Variants in USP48 observed in about 807,000 individuals in gnomAD.
USP48 encodes the protein ubiquitin specific peptidase 48.
USP48 carries 43 observed loss-of-function variants against 150.7 expected under a neutral mutation model. The ratio of observed to expected loss-of-function variants is 0.29; its 90% confidence interval spans 0.22 to 0.37. The LOEUF (loss-of-function observed/expected upper bound fraction) is 0.37, where lower values mean the gene tolerates loss of function less well. Among genes scored for constraint, USP48 ranks in the 10% least tolerant of loss-of-function variants. The pLI, the probability that USP48 is intolerant of heterozygous loss-of-function variation, is 1.00. For synonymous variants in USP48, 396 were observed against 425.9 expected, an observed-to-expected ratio of 0.93 and a Z score of 0.86; for missense variants, 813 against 1,249.6, an observed-to-expected ratio of 0.65 and a Z score of 5.27.
chr1:21,690,510 TTTTTTC>T (rs1349308142), intron 23 of USP48, among the ~76,000 whole-genome samples: 1 of 151,434 alleles, frequency 6.6e-6, no homozygotes, highest in Non-Finnish European at 1.5e-5. Flanking sequence ...AAATTCTTTC[TTTTTTC>T]TTTTTCTTTT....
chr1:21,721,821 G>A (rs1003715130), intron 12 of USP48, 57 bp from the exon 13 acceptor site: 2 of 1,312,772 alleles, frequency 1.5e-6, no homozygotes, highest in Admixed American at 2.4e-5. Context: ...CTTCCTGTTA[G>A]GAAAATGTTT....
intron 23 of USP48, 88 bp from the exon 24 acceptor site, chr1:21,690,187 A>G: frequency 8.9e-7 from 1 of 1,128,732 alleles, no homozygotes; most frequent in Non-Finnish European, 1.2e-6. Context: ...TGGATTCTTA[A>G]AAAAAAAAAA....
In USP48 at chr1:21,757,738, C is replaced by T. The variant is rs753086419; in HGVS notation, c.180G>A (p.Glu60=). ...GNPNCLVGIG[E]HIWLGEIDEN... ...CATCTATTTCTCCTAACCAAATATG[C>T]TCACCAATACCAACCAAGCAATTCG... The change falls in exon 2 of 27, where the codon GAG becomes GAA. Residue 60 remains glutamate, a synonymous_variant. Transcript: ENST00000308271. 5 of 1,612,210 alleles carry T rather than the reference C, an allele frequency of 3.1e-6. No homozygotes were observed. The highest frequency in any genetic ancestry group is 2.5e-6 in the Non-Finnish European group (3 of 1,179,310).
chr1:21,744,948 T>C (rs997439068), intron 8 of USP48, among the ~76,000 whole-genome samples: 3 of 152,166 alleles, frequency 2.0e-5, no homozygotes, highest in African/African-American at 7.2e-5. Flanking sequence ...ATTCTCCTTT[T>C]AACAACAGAT....
At chr1:21,693,306 G>A (rs1252676608) in intron 23 of USP48, among the ~76,000 whole-genome samples, 1 of 152,188 alleles carries the variant, frequency 6.6e-6, no homozygotes, top group Non-Finnish European at 1.5e-5. Context: ...GCTTTGTAAT[G>A]TTTCAAGCAA....
intron 1 of USP48, among the ~76,000 whole-genome samples, chr1:21,780,664 C>A (rs2097912028): frequency 6.6e-6 from 1 of 151,098 alleles, no homozygotes; most frequent in South Asian, 2.1e-4. Flanking sequence ...TTTAGGATTC[C>A]ATTTATATGA....
intron 25 of USP48, among the ~76,000 whole-genome samples, chr1:21,683,390 TTTC>T (rs1432201214): frequency 6.6e-6 from 1 of 152,192 alleles, no homozygotes; most frequent in Non-Finnish European, 1.5e-5. Flanking sequence ...ATATTTATTA[TTTC>T]TTCTTTTTTG....
chr1:21,699,254 A>G (rs1236288174), intron 22 of USP48, among the ~76,000 whole-genome samples: 2 of 138,166 alleles, frequency 1.4e-5, no homozygotes, highest in Non-Finnish European at 3.0e-5. Context: ...GCTGGAGTGC[A>G]GTGGCGAGAT....
At position 21,704,248 on chromosome 1, in the gene USP48, A is replaced by G; in HGVS notation, c.2515+14T>C. The G allele has an allele frequency of 4.4e-6, 7 of 1,607,930 alleles. No individual in the cohort carries two copies. The highest frequency in any genetic ancestry group is 1.3e-5 in the African/African-American group (1 of 74,520). On this transcript the variant is annotated intron_variant, in intron 20 of 26. Transcript: ENST00000308271. Reference sequence around the variant, plus strand: ...CTCTTAACTATAGAAACCGAAAGCAATATGAAAACTTACTGGGCTCAGAAA... The same window carrying G: ...CTCTTAACTATAGAAACCGAAAGCAGTATGAAAACTTACTGGGCTCAGAAA...
At chr1:21,713,699 G>A (rs2097696525) in intron 15 of USP48, among the ~76,000 whole-genome samples, 1 of 152,198 alleles carries the variant, frequency 6.6e-6, no homozygotes, top group Non-Finnish European at 1.5e-5. Context: ...TAGAAAAGGT[G>A]ATATGAGAGT....
At position 21,728,593 on chromosome 1, in the gene USP48, T is replaced by C; in HGVS notation, c.1427A>G (p.Tyr476Cys). 1 of 1,614,168 alleles carries C rather than the reference T, an allele frequency of 6.2e-7. No homozygotes were observed. Among genetic ancestry groups the C allele is most frequent in the Non-Finnish European group, 8.5e-7 (1 of 1,180,006 alleles). Residue 476 changes from tyrosine (Y) to cysteine (C), a missense_variant, in exon 11 of 27, where the codon TAC becomes TGC. Tyr to Cys is a radical substitution (Grantham distance 194, BLOSUM62 -2). Transcript: ENST00000308271. ...KAKHEEVKELYQRLPAGAEPY... is the reference protein window; with the variant it reads ...KAKHEEVKELCQRLPAGAEPY... ...ACCAGCTCCAGCAGGTAACCTTTGG[T>C]ACAGCTCCTTAACCTCTTCGTGTTT...
intron 15 of USP48, among the ~76,000 whole-genome samples, chr1:21,709,495 C>A (rs2097684377): frequency 6.6e-6 from 1 of 151,234 alleles, no homozygotes; most frequent in South Asian, 2.1e-4. Flanking sequence ...ACAACGTAAC[C>A]ATAAAAAAGA....
chr1:21,762,106 A>G (rs2097851358), intron 1 of USP48, among the ~76,000 whole-genome samples: 1 of 152,204 alleles, frequency 6.6e-6, no homozygotes, highest in Non-Finnish European at 1.5e-5. Flanking sequence ...GTCTCTACTA[A>G]AAATACAAAA....
intron 12 of USP48, among the ~76,000 whole-genome samples, chr1:21,722,751 G>A (rs1322303990): frequency 1.3e-5 from 2 of 151,710 alleles, no homozygotes; most frequent in Non-Finnish European, 2.9e-5. Context: ...AGACTGAGAC[G>A]GGAGCCTGAG....
At chr1:21,745,475 T>C (rs1173650564) in intron 8 of USP48, among the ~76,000 whole-genome samples, 6 of 152,082 alleles carry the variant, frequency 3.9e-5, no homozygotes, top group Non-Finnish European at 5.9e-5. Flanking sequence ...TAGTTCCAGC[T>C]TGAGCCCAGG....
intron 12 of USP48, among the ~76,000 whole-genome samples, chr1:21,723,444 G>A (rs6703219): frequency 6.6e-6 from 1 of 150,946 alleles, no homozygotes; most frequent in African/African-American, 2.4e-5. Flanking sequence ...AACCCAGGAG[G>A]CGAAGGTTGC....
intron 21 of USP48, among the ~76,000 whole-genome samples, chr1:21,702,496 G>C (rs2097660064): frequency 6.6e-6 from 1 of 151,646 alleles, no homozygotes; most frequent in African/African-American, 2.4e-5. Context: ...GCAGGTCAAT[G>C]GAAGAGGCTC....
chr1:21,739,099 T>C lies in USP48; in HGVS notation c.992-2474A>G, dbSNP rs147634748. ...CCCTCTGCGAGTGTTAGGGGAACAC[T>C]ATGATCGACTTGAACTCTGTTTTTC... On this transcript the variant is annotated intron_variant, in intron 8 of 26. Transcript: ENST00000308271. Among the ~76,000 whole-genome samples, 1,032 of 152,274 alleles carry C rather than the reference T, an allele frequency of 6.8e-3. 7 individuals are homozygous for C. Among genetic ancestry groups the C allele is most frequent in the Non-Finnish European group, 0.011 (778 of 68,032 alleles).
chr1:21,776,592 CAAAA>C (rs59309344), intron 1 of USP48, among the ~76,000 whole-genome samples: 3 of 57,992 alleles, frequency 5.2e-5, no homozygotes, highest in Admixed American at 2.8e-4. Context: ...TGTCTTGTCT[CAAAA>C]AAAAAAAAAA....
Sources: allele counts gnomAD v4.1 joint callset (sites outside exome capture counted in the v4.1 genomes callset), GRCh38; gene constraint gnomAD v4.1.1; transcripts MANE v1.5; gene names NCBI Gene and HGNC (gene_info 2026-07-23, HGNC 2026-07-21).